Variants in DIAPH3 observed in about 807,000 individuals in gnomAD.
The protein encoded by DIAPH3 is protein diaphanous homolog 3.
A neutral mutation model predicts 144.3 loss-of-function variants in DIAPH3; 117 were observed. The observed-to-expected ratio is 0.81, with a 90% CI of 0.70 to 0.95. The LOEUF is 0.95. DIAPH3 is among the 40% of genes least tolerant of loss of function. The probability of loss-of-function intolerance (pLI) is 0.00; values close to 1 mark genes in which losing one functional copy is unlikely to be tolerated. For missense variants in DIAPH3, 1,421 were observed against 1,412.7 expected, an observed-to-expected ratio of 1.01 and a Z score of -0.09; for synonymous variants, 519 against 488.9, an observed-to-expected ratio of 1.06 and a Z score of -0.81.
At position 59,969,964 on chromosome 13, in the gene DIAPH3, G is replaced by C. The variant is rs1258933191; in HGVS notation, c.2054C>G (p.Thr685Arg). The C allele has an allele frequency of 1.9e-6, 3 of 1,604,342 alleles. No homozygotes were observed. Among genetic ancestry groups the C allele is most frequent in the Non-Finnish European group, 2.6e-6 (3 of 1,173,996 alleles). ...CTTACCTTTTTGTTGGCAACAAAAT[G>C]TATTCTCAAGTTTACAAAGCAAATC... ...NVDLLCKLENTFCCQQKERRE... is the reference protein window; with the variant it reads ...NVDLLCKLENRFCCQQKERRE... Residue 685 changes from threonine to arginine, a missense_variant, in exon 17 of 28, where the codon ACA becomes AGA. Thr to Arg is a moderately conservative substitution (Grantham distance 71). Transcript: ENST00000400324.
Position 59,833,319 on chromosome 13 carries a change from G to A in DIAPH3, c.2863-48C>T, listed in dbSNP as rs1415842709. On this transcript the variant is annotated intron_variant, in intron 23 of 27. Transcript: ENST00000400324. ...TGAAATTTACAAAGTAATGCTTTGG[G>A]GGCAGGGGGAACTCTGTAAATCCAA... 3.4e-6 allele frequency: 5 copies of A among 1,466,152 alleles called. No individual in the cohort carries two copies. In the South Asian group the frequency reaches 4.8e-5, roughly 14 times the overall value. The allele number at this position is 1,466,152 out of a possible 1,614,324, so 90.8% of individuals were successfully genotyped here.
chr13:60,133,261 A>G lies in DIAPH3; in HGVS notation c.181-272T>C, dbSNP rs1371792138. Among the ~76,000 whole-genome samples the G allele has an allele frequency of 2.0e-5, 3 of 152,112 alleles. No homozygotes were observed. In the East Asian group the frequency reaches 5.8e-4, roughly 29 times the overall value. On this transcript the variant is annotated intron_variant, in intron 1 of 27. Transcript: ENST00000400324. ...AAATTAACTATGGTACAATAAATAT[A>G]TTATCCCAATTAACAGTATTAATTA...
chr13:59,827,170 A>T (rs965821712), intron 24 of DIAPH3, among the ~76,000 whole-genome samples: 1 of 152,056 alleles, frequency 6.6e-6, no homozygotes, highest in African/African-American at 2.4e-5. Context: ...ACAAAAGCCA[A>T]AATTGACAAA....
intron 27 of DIAPH3, among the ~76,000 whole-genome samples, chr13:59,686,601 T>A (rs565766972): frequency 6.6e-6 from 1 of 152,056 alleles, no homozygotes; most frequent in Non-Finnish European, 1.5e-5. Flanking sequence ...CAAAACATGG[T>A]ATTCATTTTT....
At chr13:60,147,799 G>C (rs1366217223) in intron 1 of DIAPH3, among the ~76,000 whole-genome samples, 2 of 152,204 alleles carry the variant, frequency 1.3e-5, no homozygotes, top group African/African-American at 4.8e-5. Context: ...CCTTTAAGTT[G>C]TGGATGATGC....
chr13:60,075,994 AG>A (rs2057367120), intron 4 of DIAPH3, among the ~76,000 whole-genome samples: 1 of 152,240 alleles, frequency 6.6e-6, no homozygotes, highest in East Asian at 1.9e-4. Flanking sequence ...CTGCACATGC[AG>A]GGGGTCCCCT....
At chr13:59,694,892 A>C in intron 27 of DIAPH3, among the ~76,000 whole-genome samples, 1 of 152,182 alleles carries the variant, frequency 6.6e-6, no homozygotes, top group East Asian at 1.9e-4. Context: ...ATACGCAACC[A>C]CCTGGAGAAC....
intron 22 of DIAPH3, among the ~76,000 whole-genome samples, chr13:59,852,252 C>T (rs1448779924): frequency 6.6e-6 from 1 of 152,114 alleles, no homozygotes; most frequent in Non-Finnish European, 1.5e-5. Flanking sequence ...GACGATTACC[C>T]AATATCTTAT....
intron 5 of DIAPH3, among the ~76,000 whole-genome samples, chr13:60,020,202 C>T (rs2053919539): frequency 6.6e-6 from 1 of 152,142 alleles, no homozygotes; most frequent in Admixed American, 6.5e-5. Flanking sequence ...GTTATAGTCA[C>T]TTAGAAATAA....
intron 17 of DIAPH3, among the ~76,000 whole-genome samples, chr13:59,966,181 T>C (rs1272430416): frequency 1.3e-5 from 2 of 152,022 alleles, no homozygotes; most frequent in African/African-American, 4.8e-5. Context: ...CCTCTACAGA[T>C]ATGGCACAAG....
In DIAPH3 at chr13:59,833,171, T is replaced by A; in HGVS notation, c.2963A>T (p.Asp988Val). Residue 988 changes from aspartate (D) to valine (V), a missense_variant, in exon 24 of 28, where the codon GAT becomes GTT. Physicochemically the swap from Asp to Val is radical, Grantham distance 152. Transcript: ENST00000400324. ...GTCTTCCACAGACACCTTCTTCACA[T>A]CAATGGCATAGTATCCTATTATACT... ...YQSIIGYYAIDVKKVSVEDFL... is the reference protein window; with the variant it reads ...YQSIIGYYAIVVKKVSVEDFL... 2 of 1,610,982 alleles carry A rather than the reference T, an allele frequency of 1.2e-6. No homozygotes were observed. The highest frequency in any genetic ancestry group is 2.2e-5 in the East Asian group (1 of 44,732).
intron 17 of DIAPH3, among the ~76,000 whole-genome samples, chr13:59,954,488 G>A (rs1027808208): frequency 9.2e-5 from 14 of 152,154 alleles, no homozygotes; most frequent in Admixed American, 6.5e-4. Context: ...CAAAACAACC[G>A]TCTTAATAAC....
intron 27 of DIAPH3, among the ~76,000 whole-genome samples, chr13:59,671,081 T>C (rs933772902): frequency 1.3e-5 from 2 of 152,218 alleles, no homozygotes; most frequent in Non-Finnish European, 1.5e-5. Context: ...TTTTAAAGTT[T>C]GTTATTGGTG....
chr13:59,852,483 T>C (rs966216504), intron 22 of DIAPH3, among the ~76,000 whole-genome samples: 1 of 152,234 alleles, frequency 6.6e-6, no homozygotes, highest in Non-Finnish European at 1.5e-5. Flanking sequence ...GGTTGTTTAG[T>C]ACTAGAACTC....
intron 5 of DIAPH3, among the ~76,000 whole-genome samples, chr13:60,022,375 T>C (rs370257087): frequency 8.5e-5 from 13 of 152,338 alleles, no homozygotes; most frequent in African/African-American, 3.1e-4. Flanking sequence ...AAATAGAATA[T>C]TAACTATAGG....
intron 5 of DIAPH3, among the ~76,000 whole-genome samples, chr13:60,022,906 T>C (rs2054123591): frequency 6.6e-6 from 1 of 152,188 alleles, no homozygotes; most frequent in Non-Finnish European, 1.5e-5. Context: ...ACTTTTCCTC[T>C]TTTGCTTGTC....
intron 27 of DIAPH3, among the ~76,000 whole-genome samples, chr13:59,718,734 T>G (rs2035189957): frequency 6.6e-6 from 1 of 152,186 alleles, no homozygotes; most frequent in Admixed American, 6.5e-5. Context: ...ATTTCTTTTT[T>G]TTAAGGAACT....
intron 5 of DIAPH3, among the ~76,000 whole-genome samples, chr13:60,024,012 C>T (rs1026626621): frequency 4.0e-5 from 6 of 151,654 alleles, no homozygotes; most frequent in Middle Eastern, 3.4e-3. Context: ...CGTGCCACCA[C>T]GCCCAGCTAA....
At chr13:60,089,299 A>G (rs1171097952) in intron 4 of DIAPH3, among the ~76,000 whole-genome samples, 3 of 152,216 alleles carry the variant, frequency 2.0e-5, no homozygotes, top group Non-Finnish European at 4.4e-5. Flanking sequence ...AAGAAGCTTG[A>G]CTACAGAAAT....
Sources: gnomAD v4.1 joint callset for allele counts (sites outside exome capture counted in the v4.1 genomes callset) on GRCh38, gnomAD v4.1.1 for gene constraint, MANE v1.5 for transcripts, NCBI Gene and HGNC (gene_info 2026-07-23, HGNC 2026-07-21) for gene names.